The following TRPM3 variants were observed in gnomAD, a reference collection of about 807,000 sequenced individuals.
TRPM3 encodes long transient receptor potential channel 3.
In TRPM3, 77 loss-of-function variants were observed where a neutral mutation model predicts 181.2. The ratio of observed to expected loss-of-function variants is 0.42; its 90% CI spans 0.35 to 0.51. TRPM3 has a LOEUF of 0.51. Among genes scored for constraint, TRPM3 ranks in the 20% least tolerant of loss-of-function variants. The pLI is 0.01. For synonymous variants in TRPM3, 745 were observed against 796.4 expected, an observed-to-expected ratio of 0.94 and a Z score of 1.09; for missense variants, 1,759 against 2,196.7, an observed-to-expected ratio of 0.80 and a Z score of 3.98.
intron 22 of TRPM3, among the ~76,000 whole-genome samples, chr9:70,581,730 G>T (rs1209021485): frequency 1.3e-5 from 2 of 152,112 alleles, no homozygotes; most frequent in African/African-American, 4.8e-5. Flanking sequence ...CATAGTTACA[G>T]GATGCATGGC....
intron 1 of TRPM3, among the ~76,000 whole-genome samples, chr9:71,127,546 A>G (rs544996947): frequency 1.3e-5 from 2 of 152,212 alleles, no homozygotes; most frequent in Non-Finnish European, 2.9e-5. Context: ...GGGCAGTGAT[A>G]CAACTTCTCA....
At chr9:70,680,149 T>C (rs900007781) in intron 9 of TRPM3, among the ~76,000 whole-genome samples, 2 of 152,180 alleles carry the variant, frequency 1.3e-5, no homozygotes, top group African/African-American at 4.8e-5. Flanking sequence ...AGGGGTCACA[T>C]GGTATAGTGA....
At chr9:70,699,797 T>C (rs2071805480) in intron 8 of TRPM3, among the ~76,000 whole-genome samples, 1 of 151,740 alleles carries the variant, frequency 6.6e-6, no homozygotes, top group Non-Finnish European at 1.5e-5. Context: ...TGAGATGAGA[T>C]AATAAGGGCC....
intron 1 of TRPM3, among the ~76,000 whole-genome samples, chr9:71,047,495 CAT>C (rs2133091968): frequency 6.6e-6 from 1 of 152,204 alleles, no homozygotes; most frequent in Non-Finnish European, 1.5e-5. Context: ...ACGCATGTCA[CAT>C]AGAATGTTTA....
chr9:71,379,528 G>T (rs1043281303), intron 1 of TRPM3, among the ~76,000 whole-genome samples: 1 of 151,836 alleles, frequency 6.6e-6, no homozygotes, highest in Non-Finnish European at 1.5e-5. Flanking sequence ...TCTTAATTCT[G>T]GCTACAGATT....
At chr9:70,980,651 T>A (rs1219669210) in intron 1 of TRPM3, among the ~76,000 whole-genome samples, 1 of 152,184 alleles carries the variant, frequency 6.6e-6, no homozygotes, top group Non-Finnish European at 1.5e-5. Flanking sequence ...TGTTTCCATC[T>A]CTTTTACTTA....
intron 1 of TRPM3, among the ~76,000 whole-genome samples, chr9:71,261,664 T>A (rs1215688519): frequency 6.6e-6 from 1 of 152,226 alleles, no homozygotes; most frequent in Non-Finnish European, 1.5e-5. Flanking sequence ...TCTTTGCTGT[T>A]AGTGACTTTC....
chr9:70,901,605 T>C (rs2096387807), intron 1 of TRPM3, among the ~76,000 whole-genome samples: 2 of 152,106 alleles, frequency 1.3e-5, no homozygotes, highest in Admixed American at 6.6e-5. Context: ...TAAATATATT[T>C]CCAAATAAAT....
intron 1 of TRPM3, among the ~76,000 whole-genome samples, chr9:71,130,111 C>T (rs1244355816): frequency 6.6e-6 from 1 of 152,144 alleles, no homozygotes; most frequent in Admixed American, 6.5e-5. Flanking sequence ...TTCCTACCTG[C>T]ATTTTCTAGT....
intron 1 of TRPM3, among the ~76,000 whole-genome samples, chr9:71,056,441 G>GT (rs990231831): frequency 2.6e-5 from 4 of 152,042 alleles, no homozygotes; most frequent in South Asian, 4.1e-4. Flanking sequence ...CTTATGTCCT[G>GT]TTAGAGTGTC....
At chr9:70,893,123 A>G (rs1227460654) in intron 1 of TRPM3, among the ~76,000 whole-genome samples, 1 of 152,208 alleles carries the variant, frequency 6.6e-6, no homozygotes, top group Non-Finnish European at 1.5e-5. Flanking sequence ...TATTATTAAT[A>G]TTATATGTAG....
intron 1 of TRPM3, among the ~76,000 whole-genome samples, chr9:70,990,394 G>T (rs889738474): frequency 6.6e-6 from 1 of 152,108 alleles, no homozygotes; most frequent in African/African-American, 2.4e-5. Context: ...CTTCTGCCTA[G>T]AGCCCAGACA....
chr9:70,825,114 T>G (rs555689446), intron 6 of TRPM3: 1 of 152,320 alleles, frequency 6.6e-6, no homozygotes, highest in East Asian at 1.9e-4. Flanking sequence ...TATCTCAGTT[T>G]GCCCAGACTG....
At chr9:70,663,096 G>T (rs1174497552) in intron 9 of TRPM3, among the ~76,000 whole-genome samples, 2 of 152,158 alleles carry the variant, frequency 1.3e-5, no homozygotes, top group African/African-American at 2.4e-5. Context: ...GCAGCAGCTT[G>T]GGTGGAGCTG....
At chr9:70,643,364 AT>A (rs2058356513) in intron 9 of TRPM3, among the ~76,000 whole-genome samples, 1 of 152,196 alleles carries the variant, frequency 6.6e-6, no homozygotes, top group African/African-American at 2.4e-5. Context: ...TATGTTGCAA[AT>A]TAGTATGTCA....
intron 1 of TRPM3, among the ~76,000 whole-genome samples, chr9:71,031,560 T>C (rs2057305507): frequency 6.6e-6 from 1 of 152,106 alleles, no homozygotes; most frequent in African/African-American, 2.4e-5. Flanking sequence ...TAAGAAAGCA[T>C]GCCCACTATT....
chr9:71,125,083 G>A (rs2073948797), upstream of TRPM3, among the ~76,000 whole-genome samples: 1 of 152,172 alleles, frequency 6.6e-6, no homozygotes, highest in African/African-American at 2.4e-5. Flanking sequence ...GCCCAGTGGT[G>A]AGCCTTTGTA....
intron 1 of TRPM3, among the ~76,000 whole-genome samples, chr9:71,337,753 T>C (rs1399415619): frequency 6.6e-6 from 1 of 152,026 alleles, no homozygotes; most frequent in Non-Finnish European, 1.5e-5. Context: ...TATGCAGCCA[T>C]AAAAAAGGAT....
intron 17 of TRPM3, among the ~76,000 whole-genome samples, chr9:70,617,704 C>T (rs1360718465): frequency 5.9e-5 from 9 of 152,144 alleles, no homozygotes; most frequent in African/African-American, 9.7e-5. Flanking sequence ...GTGGTTCATG[C>T]CTGTAATCCC....
Sources: allele counts gnomAD v4.1 joint callset (sites outside exome capture counted in the v4.1 genomes callset), GRCh38; gene constraint gnomAD v4.1.1; transcripts MANE v1.5; gene names NCBI Gene and HGNC (gene_info 2026-07-23, HGNC 2026-07-21).